Variants in ELL observed in about 807,000 individuals in gnomAD.
ELL encodes the protein RNA polymerase II elongation factor ELL.
In ELL, 18 loss-of-function variants were observed where a neutral mutation model predicts 64.0. That is an observed-to-expected ratio of 0.28 (90% CI 0.19 to 0.42). The LOEUF is 0.42. Among genes scored for constraint, ELL ranks in the 10% least tolerant of loss-of-function variants. The pLI is 1.00. For missense variants in ELL, 797 were observed against 870.4 expected (o/e 0.92, Z 1.06); for synonymous variants, 399 against 376.2 (o/e 1.06, Z -0.70).
At position 18,509,598 on chromosome 19, in the gene ELL, T is replaced by TACACACAC. The variant is rs1183127480; in HGVS notation, c.135+12315_135+12322dup. The stretch of plus-strand genomic sequence containing the variant: ...CAATGCACGTGCGCGCGCGCGCACA[T>TACACACAC]ACACACACACACACACACACACACA... On this transcript the variant is annotated intron_variant, in intron 1 of 11. Transcript: ENST00000262809. Among the ~76,000 whole-genome samples, 584 of 81,826 alleles carry TACACACAC rather than the reference T, an allele frequency of 7.1e-3. 14 individuals carry two copies. The highest frequency in any genetic ancestry group is 0.019 in the East Asian group (53 of 2,848). 53.7% of individuals were successfully genotyped at this position (81,826 alleles called of 152,430 possible).
intron 2 of ELL, among the ~76,000 whole-genome samples, chr19:18,469,811 C>T (rs1046140410): frequency 6.6e-6 from 1 of 152,234 alleles, no homozygotes; most frequent in Admixed American, 6.5e-5. Flanking sequence ...AGAGTCCGTT[C>T]ATCTCTTCCC....
intron 7 of ELL, 91 bp from the exon 8 acceptor site, chr19:18,451,066 C>A (rs867162878): frequency 1.4e-5 from 19 of 1,403,332 alleles, no homozygotes; most frequent in Middle Eastern, 2.2e-4. Context: ...AACCCAACGC[C>A]GCCTGCAAGG....
chr19:18,522,014 G>A lies in ELL; in HGVS notation c.42C>T (p.Cys14=). 6.2e-7 allele frequency: 1 copy of A among 1,610,708 alleles called. No individual in the cohort carries two copies. The highest frequency in any genetic ancestry group is 1.7e-4 in the Middle Eastern group (1 of 6,048). Residue 14 remains cysteine, a synonymous_variant, in exon 1 of 12, where the codon TGC becomes TGT. Transcript: ENST00000262809. Reference sequence around the variant, plus strand: ...CCTTGCTGCCGTCGCTAACCCGCCCGCACGACAGCCCGTAGCTCCTATCCT... The same window carrying A: ...CCTTGCTGCCGTCGCTAACCCGCCCACACGACAGCCCGTAGCTCCTATCCT... ...LKEDRSYGLS[C]GRVSDGSKVS...
intron 5 of ELL, among the ~76,000 whole-genome samples, chr19:18,461,037 A>T (rs915440264): frequency 2.0e-5 from 3 of 152,178 alleles, no homozygotes; most frequent in Non-Finnish European, 2.9e-5. Flanking sequence ...TCTCAAGAGC[A>T]GGCTCCACTC....
chr19:18,512,553 T>G (rs561320971), intron 1 of ELL, among the ~76,000 whole-genome samples: 20 of 152,036 alleles, frequency 1.3e-4, no homozygotes, highest in African/African-American at 4.1e-4. Context: ...GTGGGAGGAT[T>G]GCTTGAGCCT....
At chr19:18,488,926 C>A (rs1422828165) in intron 1 of ELL, among the ~76,000 whole-genome samples, 1 of 152,180 alleles carries the variant, frequency 6.6e-6, no homozygotes, top group Non-Finnish European at 1.5e-5. Flanking sequence ...GCAGGTCATG[C>A]GTCCTGGACC....
intron 1 of ELL, among the ~76,000 whole-genome samples, chr19:18,516,334 C>A (rs935919257): frequency 6.6e-6 from 1 of 152,166 alleles, no homozygotes; most frequent in Non-Finnish European, 1.5e-5. Context: ...GACAGCACAC[C>A]GGCCATGCCT....
intron 1 of ELL, among the ~76,000 whole-genome samples, chr19:18,484,112 C>T (rs565196877): frequency 5.3e-5 from 8 of 152,372 alleles, no homozygotes; most frequent in Admixed American, 1.3e-4. Context: ...CTCTAGCGCA[C>T]TCTGCAGTGT....
rs10409408 is a variant in ELL at position 18,501,085 on chromosome 19, C to T, written c.135+20836G>A. ...TGCCGTCCCATCCCAAGCATGTGGG[C>T]GCACACCCAGGAGAAGAACGAGCGG... On this transcript the variant is annotated intron_variant, in intron 1 of 11. Coordinates refer to ENST00000262809, the MANE Select transcript of ELL (RefSeq NM_006532.4). The surrounding 1 kb of genome is among the most constrained non-coding windows in gnomAD (Gnocchi z 4.5). 0.32 allele frequency among the ~76,000 whole-genome samples: 48,392 copies of T among 151,796 alleles called. 9,657 individuals carry two copies. Among genetic ancestry groups the T allele is most frequent in the African/African-American group, 0.57 (23,480 of 41,332 alleles).
At chr19:18,476,710 A>G (rs1364861082) in intron 1 of ELL, among the ~76,000 whole-genome samples, 5 of 152,170 alleles carry the variant, frequency 3.3e-5, no homozygotes, top group Non-Finnish European at 5.9e-5. Flanking sequence ...GCCTGTCCCC[A>G]TGAGAGGTGG....
At chr19:18,484,080 C>A (rs545197596) in intron 1 of ELL, among the ~76,000 whole-genome samples, 1 of 152,366 alleles carries the variant, frequency 6.6e-6, no homozygotes, top group Non-Finnish European at 1.5e-5. Context: ...ACCTGGGCCA[C>A]AGTGTCAGGC....
intron 1 of ELL, among the ~76,000 whole-genome samples, chr19:18,499,926 A>G (rs762819449): frequency 6.6e-6 from 1 of 152,336 alleles, no homozygotes; most frequent in East Asian, 1.9e-4. Flanking sequence ...AATGACCCCA[A>G]ATAATATTTA....
intron 9 of ELL, 130 bp downstream of exon 9, chr19:18,446,618 G>C (rs1974422959): frequency 1.3e-6 from 2 of 1,490,626 alleles, no homozygotes. Flanking sequence ...CCCAGAAGAG[G>C]CTGCTATGTT....
chr19:18,470,964 C>G (rs774468089), intron 2 of ELL: 1 of 456,630 alleles, frequency 2.2e-6, no homozygotes, highest in South Asian at 1.5e-5. Context: ...TCTGCAGAAC[C>G]CTGGGCTGCA....
Position 18,521,941 on chromosome 19 carries a change from C to G in ELL, c.115G>C (p.Glu39Gln), listed in dbSNP as rs771205818. Residue 39 changes from glutamate to glutamine, a missense_variant, in exon 1 of 12, where the codon GAG (glutamate) becomes CAG (glutamine). Physicochemically the swap from Glu to Gln is conservative, Grantham distance 29 (BLOSUM62 2). Transcript: ENST00000262809. ...CTCACCTGTCTGGCGCGGTAGCTCT[C>G]GAAGGCCCTCAGGGCACTGTCGGTG... ...KLTDSALRAFESYRARQDSVS... is the reference protein window; with the variant it reads ...KLTDSALRAFQSYRARQDSVS... 1 of 1,605,164 alleles carries G rather than the reference C, an allele frequency of 6.2e-7. No homozygotes were observed. The highest frequency in any genetic ancestry group is 1.1e-5 in the South Asian group (1 of 90,042).
At position 18,446,860 on chromosome 19, in the gene ELL, G is replaced by A. The variant is rs576566231; in HGVS notation, c.1466-46C>T. 2.4e-5 allele frequency: 39 copies of A among 1,607,876 alleles called. No individual in the cohort carries two copies. In the Middle Eastern group the frequency reaches 9.9e-4, roughly 41 times the overall value. ...CTCCTGAGTCTGCGCCCATGGCACC[G>A]GTCGGCAGGAAGCACGCCAGGATGG... On this transcript the variant is annotated intron_variant, in intron 8 of 11. Coordinates refer to ENST00000262809, the MANE Select transcript of ELL (RefSeq NM_006532.4).
intron 1 of ELL, among the ~76,000 whole-genome samples, chr19:18,515,747 C>T (rs1976114873): frequency 6.6e-6 from 1 of 152,162 alleles, no homozygotes; most frequent in African/African-American, 2.4e-5. Flanking sequence ...AAGTGAGGCT[C>T]AGGACCCCAG....
At chr19:18,452,280 G>A (rs921389153) in intron 6 of ELL, among the ~76,000 whole-genome samples, 14 of 146,906 alleles carry the variant, frequency 9.5e-5, no homozygotes, top group African/African-American at 1.9e-4. Flanking sequence ...GCAGCCTAGC[G>A]CCCCTCCAGG....
intron 1 of ELL, among the ~76,000 whole-genome samples, chr19:18,514,118 C>A (rs1976082475): frequency 6.6e-6 from 1 of 152,156 alleles, no homozygotes; most frequent in Admixed American, 6.5e-5. Context: ...CTGGGGCCCA[C>A]TGCCAGGTCA....
Sources: gnomAD v4.1 joint callset for allele counts (sites outside exome capture counted in the v4.1 genomes callset) on GRCh38, gnomAD v4.1.1 for gene constraint, Gnocchi (gnomAD v3.1) non-coding constraint, MANE v1.5 for transcripts, NCBI Gene and HGNC (gene_info 2026-07-23, HGNC 2026-07-21) for gene names.